PDE1C: variants seen among roughly 807,000 people sequenced by gnomAD.
The protein encoded by PDE1C is dual specificity calcium/calmodulin-dependent 3',5'-cyclic nucleotide phosphodiesterase 1C.
Under a neutral mutation model 93.1 loss-of-function variants are expected in PDE1C, and 62 were observed. The observed-to-expected ratio is 0.67, with a 90% CI of 0.54 to 0.82. PDE1C has a LOEUF of 0.82. Ranked by LOEUF, PDE1C falls within the 40% of genes least tolerant of loss-of-function variation. The pLI is 0.00. For missense variants in PDE1C, 742 were observed against 884.6 expected, an observed-to-expected ratio of 0.84 and a Z score of 2.04; for synonymous variants, 325 against 310.1, an observed-to-expected ratio of 1.05 and a Z score of -0.50.
chr7:31,979,764 C>T lies in PDE1C; in HGVS notation c.128+71790G>A, dbSNP rs374639017. On this transcript the variant is annotated intron_variant, in intron 2 of 17. Coordinates refer to ENST00000396191, the MANE Select transcript of PDE1C (RefSeq NM_001191057.4). ...ACAAAGAATAATGTACTTTTTTTAT[C>T]TTAAGCACTAGCCAAGGAAACAAAG... 1.7e-3 allele frequency among the ~76,000 whole-genome samples: 259 copies of T among 152,292 alleles called. 1 individual carries two copies. The highest frequency in any genetic ancestry group is 6.0e-3 in the African/African-American group (250 of 41,566).
chr7:31,726,454 G>A, the PDE1C span, among the ~76,000 whole-genome samples: 3 of 152,078 alleles, frequency 2.0e-5, no homozygotes, highest in African/African-American at 7.2e-5. Context: ...CTCTTATATT[G>A]GGGGCTGGCC....
chr7:31,883,028 G>C (rs191844062), intron 2 of PDE1C, among the ~76,000 whole-genome samples: 1 of 152,272 alleles, frequency 6.6e-6, no homozygotes, highest in African/African-American at 2.4e-5. Context: ...GAAAATCTTT[G>C]AGAAAATGAA....
intron 1 of PDE1C, among the ~76,000 whole-genome samples, chr7:32,297,515 C>T (rs1421467576): frequency 6.6e-6 from 1 of 152,254 alleles, no homozygotes; most frequent in African/African-American, 2.4e-5. Context: ...TTCTACTCAC[C>T]TCCAAGGAAG....
At chr7:32,256,434 G>A (rs1481362695) in intron 1 of PDE1C, among the ~76,000 whole-genome samples, 1 of 152,146 alleles carries the variant, frequency 6.6e-6, no homozygotes, top group Non-Finnish European at 1.5e-5. Context: ...TGGTGGCAAA[G>A]CCCTGGAATT....
At position 32,127,385 on chromosome 7, in the gene PDE1C, T is replaced by C. The variant is rs149276541; in HGVS notation, c.308+42400A>G. On this transcript the variant is annotated intron_variant, in intron 3 of 18. Transcript: ENST00000396193. ...ATAATGTAGAAGACCAATTTAAATG[T>C]TCTTTAGAATACAGAGAAAATAACT... is the stretch of plus-strand genomic sequence containing the variant. 2.6e-3 allele frequency among the ~76,000 whole-genome samples: 392 copies of C among 152,256 alleles called. 4 individuals carry two copies. The highest frequency in any genetic ancestry group is 9.1e-3 in the African/African-American group (379 of 41,578).
intron 1 of PDE1C, among the ~76,000 whole-genome samples, chr7:32,056,813 C>A (rs1794180689): frequency 1.3e-5 from 2 of 152,140 alleles, no homozygotes. Context: ...TTGAAGATTG[C>A]TTTTCCAGAA....
chr7:31,967,554 C>A (rs934695519), intron 2 of PDE1C, among the ~76,000 whole-genome samples: 3 of 152,196 alleles, frequency 2.0e-5, no homozygotes, highest in Non-Finnish European at 4.4e-5. Context: ...GGTACCATTC[C>A]TTCTAAAACT....
At position 32,402,155 on chromosome 7, in the gene PDE1C, G is replaced by C. The variant is rs184102702; in HGVS notation, c.310+25667C>G. 1.6e-3 allele frequency among the ~76,000 whole-genome samples: 242 copies of C among 152,068 alleles called. 1 individual carries two copies. Among genetic ancestry groups the C allele is most frequent in the Non-Finnish European group, 2.5e-3 (173 of 68,010 alleles). On this transcript the variant is annotated intron_variant, in intron 1 of 1. Transcript: ENST00000672256. ...CAGATCTGTCTGGCTCCAAATTCCT[G>C]GCTCTAACAACCACATTCTACTGGC...
chr7:32,111,698 C>CAA (rs548571776), intron 3 of PDE1C, among the ~76,000 whole-genome samples: 160 of 152,030 alleles, frequency 1.1e-3, no homozygotes, highest in African/African-American at 3.6e-3. Context: ...AGATTGTGAG[C>CAA]AAAAAAAGCT....
At chr7:32,035,599 T>C (rs1219661802) in intron 2 of PDE1C, among the ~76,000 whole-genome samples, 1 of 152,220 alleles carries the variant, frequency 6.6e-6, no homozygotes, top group Non-Finnish European at 1.5e-5. Flanking sequence ...TGTAAATGAT[T>C]TATACAGTGA....
intron 1 of PDE1C, among the ~76,000 whole-genome samples, chr7:32,237,721 A>G (rs2128867007): frequency 7.2e-6 from 1 of 138,332 alleles, no homozygotes; most frequent in Non-Finnish European, 1.5e-5. Flanking sequence ...AAGGATAGCC[A>G]CTATCCGCAC....
At chr7:31,620,215 C>T in the PDE1C span, among the ~76,000 whole-genome samples, 7 of 152,264 alleles carry the variant, frequency 4.6e-5, no homozygotes, top group Non-Finnish European at 1.0e-4. Flanking sequence ...GTAACCTCTT[C>T]AGACTTAAAT....
At chr7:31,707,170 G>T in the PDE1C span, 3 of 1,583,356 alleles carry the variant, frequency 1.9e-6, no homozygotes, top group East Asian at 4.5e-5. Flanking sequence ...TTAATTAGAG[G>T]TACTTAATTG....
chr7:31,918,384 C>T (rs1480291524), intron 2 of PDE1C, among the ~76,000 whole-genome samples: 1 of 152,144 alleles, frequency 6.6e-6, no homozygotes, highest in Admixed American at 6.5e-5. Flanking sequence ...GTATATGTCA[C>T]GCATGTACCC....
At chr7:31,954,044 A>G (rs1434593600) in intron 2 of PDE1C, among the ~76,000 whole-genome samples, 1 of 152,198 alleles carries the variant, frequency 6.6e-6, no homozygotes, top group Non-Finnish European at 1.5e-5. Context: ...CATGAATATG[A>G]GGTCCATAAG....
intron 1 of PDE1C, among the ~76,000 whole-genome samples, chr7:32,330,181 T>G (rs1783483748): frequency 6.6e-6 from 1 of 152,244 alleles, no homozygotes; most frequent in Non-Finnish European, 1.5e-5. Context: ...ATATCTTTAA[T>G]CCTCACAATG....
intron 16 of PDE1C, chr7:31,790,331 C>G (rs1784440239): frequency 7.2e-7 from 1 of 1,387,174 alleles, no homozygotes; most frequent in Middle Eastern, 1.8e-4. Flanking sequence ...CCCTCCAAGT[C>G]TGAGGAGAAG....
At chr7:31,664,099 G>A in the PDE1C span, among the ~76,000 whole-genome samples, 2 of 152,142 alleles carry the variant, frequency 1.3e-5, no homozygotes, top group Non-Finnish European at 2.9e-5. Context: ...ATGATCCCAG[G>A]TTTGTCTAAC....
intron 1 of PDE1C, among the ~76,000 whole-genome samples, chr7:32,368,195 T>C (rs1233566976): frequency 6.6e-6 from 1 of 152,108 alleles, no homozygotes; most frequent in East Asian, 1.9e-4. Context: ...GGAAGTCAGA[T>C]TGTCCCTGCT....
Sources: gnomAD v4.1 joint callset for allele counts (sites outside exome capture counted in the v4.1 genomes callset) on GRCh38, gnomAD v4.1.1 for gene constraint, MANE v1.5 for transcripts, NCBI Gene and HGNC (gene_info 2026-07-23, HGNC 2026-07-21) for gene names.